KDM4C: variants seen among roughly 807,000 people sequenced by gnomAD.
KDM4C encodes the protein lysine-specific demethylase 4C.
Under a neutral mutation model 129.3 loss-of-function variants are expected in KDM4C, and 81 were observed. The ratio of observed to expected loss-of-function variants is 0.63; its 90% CI spans 0.52 to 0.75. The LOEUF is 0.75. KDM4C is among the 30% of genes least tolerant of loss of function. The probability of loss-of-function intolerance (pLI) is 0.00; values close to 1 mark genes in which losing one functional copy is unlikely to be tolerated. For synonymous variants in KDM4C, 573 were observed against 456.1 expected (o/e 1.26, Z -3.26); for missense variants, 1,457 against 1,304.0 (o/e 1.12, Z -1.81).
At position 6,919,223 on chromosome 9, in the gene KDM4C, C is replaced by CTTCTTTCTTTCTTTCTTTCTTTCT. The variant is rs1554643688; in HGVS notation, c.921+25994_921+26017dup. 1.1e-3 allele frequency among the ~76,000 whole-genome samples: 115 copies of CTTCTTTCTTTCTTTCTTTCTTTCT among 109,016 alleles called. 1 individual carries two copies. The highest frequency in any genetic ancestry group is 3.4e-3 in the African/African-American group (111 of 32,760). The allele number at this position is 109,016 out of a possible 152,430, so 71.5% of individuals were successfully genotyped here. A position where few individuals can be genotyped will look rare whatever the true frequency, so the allele number is the denominator to read the frequency against. ...TTACAGATTCTGAATTTTCTTTTTC[C>CTTCTTTCTTTCTTTCTTTCTTTCT]TTCTTTCTTTCTTTCTTTCTTTCTT... On this transcript the variant is annotated intron_variant, in intron 8 of 21. Coordinates refer to ENST00000381309, the MANE Select transcript of KDM4C (RefSeq NM_015061.6).
intron 4 of KDM4C, chr9:6,835,724 T>C: frequency 3.1e-6 from 2 of 637,428 alleles, no homozygotes; most frequent in East Asian, 5.4e-5. Context: ...ATTTAAAAAC[T>C]GGAACGGTGA....
chr9:6,849,153 C>G (rs573268907), intron 4 of KDM4C, among the ~76,000 whole-genome samples: 3 of 152,196 alleles, frequency 2.0e-5, no homozygotes, highest in Admixed American at 2.0e-4. Flanking sequence ...AAAAGGTGTG[C>G]CAAGGAGGGA....
At chr9:6,869,371 C>T (rs757656771) in intron 5 of KDM4C, among the ~76,000 whole-genome samples, 2 of 152,246 alleles carry the variant, frequency 1.3e-5, no homozygotes, top group East Asian at 3.8e-4. Flanking sequence ...AGGCCGTACT[C>T]TTAGATGCCT....
rs151104160 is a variant in KDM4C, at chr9:7,041,719, T to C, written c.2260-5143T>C. ...ATATTTGAGCTGGGCATGTGCTTTATTGCAGCTTTAGTTTGATTAAGTCCA... is the reference window on the plus strand; with the variant it reads ...ATATTTGAGCTGGGCATGTGCTTTACTGCAGCTTTAGTTTGATTAAGTCCA... On this transcript the variant is annotated intron_variant, in intron 15 of 21. Coordinates refer to ENST00000381309, the MANE Select transcript of KDM4C (RefSeq NM_015061.6). 2.0e-5 allele frequency among the ~76,000 whole-genome samples: 3 copies of C among 152,142 alleles called. No individual in the cohort carries two copies. In the East Asian group the frequency reaches 5.8e-4, roughly 29 times the overall value.
Position 6,793,048 on chromosome 9 carries a change from A to T in KDM4C, c.60A>T (p.Arg20Ser). 6.2e-7 allele frequency: 1 copy of T among 1,614,042 alleles called. No homozygotes were observed. The highest frequency in any genetic ancestry group is 8.5e-7 in the Non-Finnish European group (1 of 1,179,988). The change falls in exon 2 of 22, where the codon AGA becomes AGT. Residue 20 changes from arginine (R) to serine (S), a missense_variant. Arg to Ser is a moderately radical substitution (Grantham distance 110). Coordinates refer to ENST00000381309, the MANE Select transcript of KDM4C (RefSeq NM_015061.6). ...LNPSCKIMTF[R>S]PSMEEFREFN... is the part of the protein sequence containing the mutation. ...CCAGCTGTAAGATAATGACCTTCAGACCCTCCATGGAGGAGTTCCGGGAGT... is the reference window on the plus strand; with the variant it reads ...CCAGCTGTAAGATAATGACCTTCAGTCCCTCCATGGAGGAGTTCCGGGAGT...
intron 8 of KDM4C, among the ~76,000 whole-genome samples, chr9:6,934,800 C>A (rs1454778682): frequency 6.6e-6 from 1 of 152,020 alleles, no homozygotes; most frequent in Non-Finnish European, 1.5e-5. Context: ...TGGATATGAA[C>A]TGATCCTTCT....
At chr9:6,962,693 C>T (rs886081438) in intron 8 of KDM4C, among the ~76,000 whole-genome samples, 1 of 151,962 alleles carries the variant, frequency 6.6e-6, no homozygotes, top group African/African-American at 2.4e-5. Context: ...CTGTCACAAC[C>T]CTGACTCAGA....
At chr9:6,903,108 A>G (rs911101643) in intron 8 of KDM4C, among the ~76,000 whole-genome samples, 1 of 152,180 alleles carries the variant, frequency 6.6e-6, no homozygotes, top group African/African-American at 2.4e-5. Flanking sequence ...AAAAAACCCA[A>G]TTAGTTTCTA....
At chr9:6,900,968 A>T (rs1563783116) in intron 8 of KDM4C, among the ~76,000 whole-genome samples, 1 of 101,034 alleles carries the variant, frequency 9.9e-6, no homozygotes, top group Non-Finnish European at 2.0e-5. Flanking sequence ...AAGCTTTAGG[A>T]TTCTTTTTTT....
chr9:6,798,474 A>C (rs1054914171), intron 2 of KDM4C, among the ~76,000 whole-genome samples: 5 of 152,044 alleles, frequency 3.3e-5, no homozygotes, highest in African/African-American at 7.2e-5. Flanking sequence ...GCATCTGTTT[A>C]ACAAAGCACA....
intron 12 of KDM4C, among the ~76,000 whole-genome samples, chr9:7,005,161 T>G (rs918999961): frequency 6.6e-6 from 1 of 152,034 alleles, no homozygotes; most frequent in Non-Finnish European, 1.5e-5. Context: ...GTAGGCTGGG[T>G]GCAGTGGCTC....
rs533315753 is a variant in KDM4C at position 6,883,985 on chromosome 9, G to C, written c.679+3924G>C. Among the ~76,000 whole-genome samples the C allele has an allele frequency of 2.6e-5, 4 of 152,154 alleles. No individual in the cohort carries two copies. The East Asian group carries it at 7.7e-4, about 29-fold the overall frequency. On this transcript the variant is annotated intron_variant, in intron 6 of 21. Coordinates refer to ENST00000381309, the MANE Select transcript of KDM4C (RefSeq NM_015061.6). ...AAACTGGGTGGAAATTTTAAATCTC[G>C]GTTTTCTGCTAATTATCTTGAAATG...
At chr9:6,779,258 T>G (rs1221455451) in intron 1 of KDM4C, among the ~76,000 whole-genome samples, 1 of 151,152 alleles carries the variant, frequency 6.6e-6, no homozygotes, top group Non-Finnish European at 1.5e-5. Context: ...CCTCGTGATC[T>G]GCCCACCTCG....
intron 12 of KDM4C, among the ~76,000 whole-genome samples, chr9:7,001,630 C>G (rs1322554096): frequency 6.6e-6 from 1 of 152,174 alleles, no homozygotes; most frequent in East Asian, 1.9e-4. Flanking sequence ...CTCTCCCTAG[C>G]AGCTGTTTTG....
intron 17 of KDM4C, among the ~76,000 whole-genome samples, chr9:7,049,862 A>G (rs77816886): frequency 6.6e-6 from 1 of 152,068 alleles, no homozygotes; most frequent in South Asian, 2.1e-4. Context: ...AGGCCCTTAT[A>G]TTGCATACCT....
rs1271465849 is a variant in KDM4C at position 7,013,758 on chromosome 9, T to C, written c.1969-30T>C. The C allele has an allele frequency of 1.9e-6, 3 of 1,601,984 alleles. No individual in the cohort carries two copies. The East Asian group carries it at 6.7e-5, about 36-fold the overall frequency. ...AATGATGAGCTCTTTTCCATGTTTT[T>C]CACTCATGTGGAAACGTTATGTTTT... On this transcript the variant is annotated intron_variant, in intron 13 of 21. Coordinates refer to ENST00000381309, the MANE Select transcript of KDM4C (RefSeq NM_015061.6).
chr9:6,733,087 C>A (rs980079479), intron 1 of KDM4C, among the ~76,000 whole-genome samples: 1 of 152,200 alleles, frequency 6.6e-6, no homozygotes, highest in Non-Finnish European at 1.5e-5. Context: ...AAGATAGAGA[C>A]CTCATCCAGT....
chr9:7,123,795 G>C (rs1246375275), intron 18 of KDM4C, among the ~76,000 whole-genome samples: 3 of 152,150 alleles, frequency 2.0e-5, no homozygotes, highest in African/African-American at 4.8e-5. Context: ...GCCTGAATTT[G>C]ACAAGAGTAG....
chr9:6,964,619 A>C (rs1368859308), intron 8 of KDM4C, among the ~76,000 whole-genome samples: 1 of 151,830 alleles, frequency 6.6e-6, no homozygotes, highest in Non-Finnish European at 1.5e-5. Context: ...ATCTCTACTA[A>C]AAAATACAAA....
Sources: gnomAD v4.1 joint callset for allele counts (sites outside exome capture counted in the v4.1 genomes callset) on GRCh38, gnomAD v4.1.1 for gene constraint, MANE v1.5 for transcripts, NCBI Gene and HGNC (gene_info 2026-07-23, HGNC 2026-07-21) for gene names.